Variants in NPSR1 observed in about 807,000 individuals in gnomAD.
The protein encoded by NPSR1 is neuropeptide S receptor 1.
A neutral mutation model predicts 46.9 loss-of-function variants in NPSR1; 48 were observed. That is an observed-to-expected ratio of 1.02 (90% CI 0.81 to 1.30). The LOEUF is 1.30. Ranked by LOEUF, NPSR1 falls within the 50% of genes most tolerant of loss-of-function variation. NPSR1 has a pLI of 0.00. For missense variants in NPSR1, 450 were observed against 449.5 expected, an observed-to-expected ratio of 1.00 and a Z score of -0.01; for synonymous variants, 176 against 168.1, an observed-to-expected ratio of 1.05 and a Z score of -0.36.
At chr7:34,833,676 G>A (rs988474255) in intron 5 of NPSR1, among the ~76,000 whole-genome samples, 2 of 152,220 alleles carry the variant, frequency 1.3e-5, no homozygotes, top group African/African-American at 2.4e-5. Context: ...GAATTTGGCC[G>A]TGGCTTAACC....
At chr7:34,695,284 A>G (rs776955302) in intron 2 of NPSR1, among the ~76,000 whole-genome samples, 1 of 152,148 alleles carries the variant, frequency 6.6e-6, no homozygotes, top group Non-Finnish European at 1.5e-5. Context: ...ATGAAACCCT[A>G]CCTATGACAA....
intron 1 of NPSR1, among the ~76,000 whole-genome samples, chr7:34,671,962 T>A (rs1196228036): frequency 6.6e-6 from 1 of 152,156 alleles, no homozygotes; most frequent in Non-Finnish European, 1.5e-5. Context: ...GAAAACAAAT[T>A]CCTGAAGGTT....
chr7:34,667,083 A>G lies in NPSR1; in HGVS notation c.147+8524A>G, dbSNP rs541434894. Reference sequence around the variant, plus strand: ...TTGCTCATTTTTTCATGATGGCTCAATAAGAAGATTTTTTTATTCTCCTCC... The same window carrying G: ...TTGCTCATTTTTTCATGATGGCTCAGTAAGAAGATTTTTTTATTCTCCTCC... On this transcript the variant is annotated intron_variant, in intron 1 of 8. Transcript: ENST00000360581. Among the ~76,000 whole-genome samples, 5 of 152,342 alleles carry G rather than the reference A, an allele frequency of 3.3e-5. No individual in the cohort carries two copies. The South Asian group carries it at 1.0e-3, about 32-fold the overall frequency.
chr7:34,701,859 G>C (rs563002344), intron 2 of NPSR1, among the ~76,000 whole-genome samples: 95 of 152,288 alleles, frequency 6.2e-4, no homozygotes, highest in African/African-American at 2.2e-3. Flanking sequence ...CCTAATTAAA[G>C]ACCAGTAGTC....
At position 34,827,789 on chromosome 7, in the gene NPSR1, G is replaced by C. The variant is rs35459309; in HGVS notation, c.680+187G>C. Among the ~76,000 whole-genome samples the C allele has an allele frequency of 4.4e-3, 667 of 152,268 alleles. 7 individuals are homozygous for C. The highest frequency in any genetic ancestry group is 0.015 in the African/African-American group (624 of 41,530). On this transcript the variant is annotated intron_variant, in intron 5 of 8. Coordinates refer to ENST00000360581, the MANE Select transcript of NPSR1 (RefSeq NM_207172.2). ...CCCAATTTCTTCAAAGTAGAGTAAGGAGAAGGGAATTAACAATTACTGGGT... is the reference window on the plus strand; with the variant it reads ...CCCAATTTCTTCAAAGTAGAGTAAGCAGAAGGGAATTAACAATTACTGGGT...
chr7:34,804,703 AGT>A (rs1007897082), intron 3 of NPSR1, among the ~76,000 whole-genome samples: 1 of 152,068 alleles, frequency 6.6e-6, no homozygotes, highest in Non-Finnish European at 1.5e-5. Context: ...GTAAATAAAA[AGT>A]TTATACATTG....
chr7:34,859,952 T>C (rs1316860719), intron 8 of NPSR1, among the ~76,000 whole-genome samples: 1 of 151,794 alleles, frequency 6.6e-6, no homozygotes, highest in Non-Finnish European at 1.5e-5. Flanking sequence ...TGGTTTCCCC[T>C]GGTCCAACTG....
rs545786293 is a variant in NPSR1, at chr7:34,862,961, G to A, written c.1025+14298G>A. ...TAAGATACTACAGCAAGGAGGCATC[G>A]AGCTACCTGACTTCAAACTATACTA... is the stretch of plus-strand genomic sequence containing the variant. On this transcript the variant is annotated intron_variant, in intron 8 of 8. Coordinates refer to the NPSR1 transcript ENST00000359791. Among the ~76,000 whole-genome samples the A allele has an allele frequency of 3.8e-4, 58 of 151,688 alleles. 4 individuals carry two copies. The highest frequency in any genetic ancestry group is 1.3e-3 in the African/African-American group (55 of 41,070).
rs546883064 is a variant in NPSR1 at position 34,760,893 on chromosome 7, C to G, written c.281-17569C>G. Among the ~76,000 whole-genome samples, 37 of 152,226 alleles carry G rather than the reference C, an allele frequency of 2.4e-4. 1 individual carries two copies. Among genetic ancestry groups the G allele is most frequent in the African/African-American group, 8.2e-4 (34 of 41,536 alleles). The stretch of plus-strand genomic sequence containing the variant: ...GTGATTCTTAGACCTCTAAGAGGAG[C>G]CAGTGTGATGCCTAAACATAGGCAT... On this transcript the variant is annotated intron_variant, in intron 2 of 8. Transcript: ENST00000360581.
chr7:34,713,304 G>A (rs1042759560), intron 2 of NPSR1, among the ~76,000 whole-genome samples: 5 of 152,088 alleles, frequency 3.3e-5, no homozygotes, highest in African/African-American at 9.7e-5. Context: ...CAGTATATTC[G>A]TAGTTTTGCT....
chr7:34,690,280 T>A (rs1793182302), intron 2 of NPSR1, among the ~76,000 whole-genome samples: 1 of 150,922 alleles, frequency 6.6e-6, no homozygotes, highest in Non-Finnish European at 1.5e-5. Context: ...TAAAAAAAAA[T>A]AAGAAGAGAT....
chr7:34,778,946 C>T (rs1367877668), intron 3 of NPSR1, among the ~76,000 whole-genome samples: 4 of 152,052 alleles, frequency 2.6e-5, no homozygotes, highest in Admixed American at 1.3e-4. Context: ...TTTTGTAAAC[C>T]AAGGGGAATT....
chr7:34,726,704 A>T (rs910094789), intron 2 of NPSR1, among the ~76,000 whole-genome samples: 2 of 152,186 alleles, frequency 1.3e-5, no homozygotes, highest in African/African-American at 2.4e-5. Context: ...AACCATGAAG[A>T]TATGAAAGAA....
chr7:34,820,045 A>G (rs1789478165), intron 4 of NPSR1, among the ~76,000 whole-genome samples: 2 of 152,226 alleles, frequency 1.3e-5, no homozygotes, highest in South Asian at 4.1e-4. Flanking sequence ...CATTGTTCAC[A>G]TGTACAATGA....
intron 2 of NPSR1, among the ~76,000 whole-genome samples, chr7:34,707,755 T>C (rs1794180649): frequency 6.6e-6 from 1 of 152,208 alleles, no homozygotes; most frequent in Non-Finnish European, 1.5e-5. Context: ...AGAAGTCTCA[T>C]CCTAAGCCTT....
intron 3 of NPSR1, among the ~76,000 whole-genome samples, chr7:34,795,693 T>C (rs1316891133): frequency 6.6e-6 from 1 of 152,058 alleles, no homozygotes; most frequent in Non-Finnish European, 1.5e-5. Flanking sequence ...AGGTATAAAT[T>C]TAATAAAATA....
chr7:34,866,596 T>C (rs1410090285), intron 8 of NPSR1, among the ~76,000 whole-genome samples: 2 of 151,392 alleles, frequency 1.3e-5, no homozygotes, highest in African/African-American at 2.5e-5. Flanking sequence ...AGTTGCACAA[T>C]TGCATAATTA....
intron 1 of NPSR1, among the ~76,000 whole-genome samples, chr7:34,679,904 A>C (rs1317837783): frequency 1.3e-5 from 2 of 152,174 alleles, no homozygotes; most frequent in African/African-American, 2.4e-5. Flanking sequence ...CCTAATACTA[A>C]ATACAAAATG....
At chr7:34,836,613 T>G (rs1255049867) in intron 6 of NPSR1, among the ~76,000 whole-genome samples, 2 of 125,020 alleles carry the variant, frequency 1.6e-5, no homozygotes, top group African/African-American at 3.1e-5. Flanking sequence ...AGAGAAAGAG[T>G]GAGGAAAGAA....
Sources: gnomAD v4.1 joint callset for allele counts (sites outside exome capture counted in the v4.1 genomes callset) on GRCh38, gnomAD v4.1.1 for gene constraint, MANE v1.5 for transcripts, NCBI Gene and HGNC (gene_info 2026-07-23, HGNC 2026-07-21) for gene names.